DLG1: variants seen among roughly 807,000 people sequenced by gnomAD.
DLG1 encodes the protein discs large MAGUK scaffold protein 1, also known as disks large homolog 1.
Under a neutral mutation model 123.4 loss-of-function variants are expected in DLG1, and 42 were observed. The ratio of observed to expected loss-of-function variants is 0.34; its 90% CI spans 0.27 to 0.44. The LOEUF is 0.44. Among genes scored for constraint, DLG1 ranks in the 20% least tolerant of loss-of-function variants. DLG1 has a pLI of 1.00. For synonymous variants in DLG1, 317 were observed against 356.2 expected (o/e 0.89, Z 1.24); for missense variants, 942 against 1,082.6 (o/e 0.87, Z 1.82).
chr3:197,148,169 C>A (rs1024122486), intron 6 of DLG1, among the ~76,000 whole-genome samples: 1 of 142,022 alleles, frequency 7.0e-6, no homozygotes, highest in Non-Finnish European at 1.5e-5. Context: ...GAGGCTGAGG[C>A]GGGCTGGATG....
At chr3:197,184,338 A>G (rs1261287016) in intron 5 of DLG1, among the ~76,000 whole-genome samples, 1 of 152,216 alleles carries the variant, frequency 6.6e-6, no homozygotes, top group African/African-American at 2.4e-5. Flanking sequence ...GAACTGAATT[A>G]AAACATATAA....
intron 18 of DLG1, chr3:197,075,932 G>T: frequency 6.8e-7 from 1 of 1,470,810 alleles, no homozygotes; most frequent in Non-Finnish European, 9.4e-7. Context: ...ATAGTTGTCA[G>T]TAATGCATAA....
At chr3:197,077,334 T>G (rs1747938480) in intron 17 of DLG1, among the ~76,000 whole-genome samples, 1 of 152,016 alleles carries the variant, frequency 6.6e-6, no homozygotes, top group South Asian at 2.1e-4. Flanking sequence ...AAAAGGTCCA[T>G]CAAGCACACA....
chr3:197,250,012 A>G (rs1481685098), intron 4 of DLG1, among the ~76,000 whole-genome samples: 1 of 152,204 alleles, frequency 6.6e-6, no homozygotes, highest in Non-Finnish European at 1.5e-5. Context: ...CAAGACAAAA[A>G]TGCCTACTTT....
At chr3:197,212,611 T>C (rs1731847909) in intron 4 of DLG1, among the ~76,000 whole-genome samples, 1 of 152,256 alleles carries the variant, frequency 6.6e-6, no homozygotes, top group Non-Finnish European at 1.5e-5. Flanking sequence ...TCACATGGCA[T>C]TCTTGCCGTG....
chr3:197,154,397 C>T (rs113764943), intron 5 of DLG1, among the ~76,000 whole-genome samples: 20 of 151,284 alleles, frequency 1.3e-4, no homozygotes, highest in African/African-American at 4.1e-4. Flanking sequence ...AAAAGATGGC[C>T]GGGCACAGTG....
intron 10 of DLG1, 44 bp downstream of exon 10, chr3:197,136,497 CA>C: frequency 6.6e-7 from 1 of 1,524,386 alleles, no homozygotes; most frequent in Non-Finnish European, 8.9e-7. Flanking sequence ...GAAAAATAAA[CA>C]GACTACAAAA....
chr3:197,182,827 T>C (rs1713176821), intron 5 of DLG1, among the ~76,000 whole-genome samples: 1 of 152,148 alleles, frequency 6.6e-6, no homozygotes, highest in African/African-American at 2.4e-5. Context: ...CAAACAATTA[T>C]TAATTTTTCT....
intron 4 of DLG1, among the ~76,000 whole-genome samples, chr3:197,252,169 G>C (rs551419112): frequency 2.0e-5 from 3 of 152,108 alleles, no homozygotes; most frequent in Admixed American, 6.6e-5. Context: ...GGAATAAAAG[G>C]AATATGAAAG....
At chr3:197,197,314 G>A (rs1439034683) in intron 4 of DLG1, among the ~76,000 whole-genome samples, 1 of 152,122 alleles carries the variant, frequency 6.6e-6, no homozygotes, top group African/African-American at 2.4e-5. Flanking sequence ...CTCTCTTTTT[G>A]TAAAGTTAGC....
intron 4 of DLG1, 61 bp downstream of exon 4, chr3:197,282,618 C>A: frequency 9.2e-7 from 1 of 1,085,984 alleles, no homozygotes. Flanking sequence ...AATAAAGAAA[C>A]ATAGTAACAT....
chr3:197,133,379 C>G (rs1253414879), intron 10 of DLG1, among the ~76,000 whole-genome samples: 1 of 152,206 alleles, frequency 6.6e-6, no homozygotes, highest in Non-Finnish European at 1.5e-5. Flanking sequence ...ATGTGTCAGC[C>G]AACCTAACAG....
chr3:197,172,269 A>C (rs1274880077), intron 5 of DLG1, among the ~76,000 whole-genome samples: 3 of 152,202 alleles, frequency 2.0e-5, no homozygotes, highest in African/African-American at 7.2e-5. Flanking sequence ...ACAGAAGTAT[A>C]ATACATATAA....
chr3:197,263,223 G>A (rs1760232508), intron 4 of DLG1, among the ~76,000 whole-genome samples: 1 of 152,176 alleles, frequency 6.6e-6, no homozygotes, highest in Non-Finnish European at 1.5e-5. Flanking sequence ...CACATCTAGA[G>A]TAGTCTAGCC....
At chr3:197,170,834 G>T (rs1326356918) in intron 5 of DLG1, among the ~76,000 whole-genome samples, 2 of 152,014 alleles carry the variant, frequency 1.3e-5, no homozygotes, top group Non-Finnish European at 2.9e-5. Flanking sequence ...GTACTGCCTA[G>T]GTTGTCTTCT....
intron 7 of DLG1, 59 bp downstream of exon 7, chr3:197,142,659 T>C (rs1788613165): frequency 3.1e-6 from 4 of 1,279,432 alleles, no homozygotes; most frequent in Admixed American, 2.2e-5. Context: ...GGATTCTGTA[T>C]GAAAAAGCAG....
chr3:197,130,701 CAT>C (rs764076665), intron 10 of DLG1, 30 bp from the exon 11 acceptor site: 23 of 1,528,312 alleles, frequency 1.5e-5, no homozygotes, highest in Non-Finnish European at 1.9e-5. Context: ...ACATTTATGA[CAT>C]ATTCACTTGT....
chr3:197,053,119 A>G (rs914610169), intron 23 of DLG1, among the ~76,000 whole-genome samples: 3 of 152,204 alleles, frequency 2.0e-5, no homozygotes, highest in Non-Finnish European at 4.4e-5. Context: ...GAGAAACAAG[A>G]TTGGTCATAA....
intron 12 of DLG1, among the ~76,000 whole-genome samples, 198 bp downstream of exon 12, chr3:197,119,212 G>A (rs1774967524): frequency 6.6e-6 from 1 of 152,048 alleles, no homozygotes; most frequent in Non-Finnish European, 1.5e-5. Flanking sequence ...AAAAGGAGTG[G>A]TAATTTATTT....
Sources: gnomAD v4.1 joint callset for allele counts (sites outside exome capture counted in the v4.1 genomes callset) on GRCh38, gnomAD v4.1.1 for gene constraint, MANE v1.5 for transcripts, NCBI Gene and HGNC (gene_info 2026-07-23, HGNC 2026-07-21) for gene names.